Variants in DMD observed in about 807,000 individuals in gnomAD.
The protein encoded by DMD is mutant dystrophin.
DMD carries 63 observed loss-of-function variants against 330.1 expected under a neutral mutation model. The ratio of observed to expected loss-of-function variants is 0.19; its 90% confidence interval spans 0.16 to 0.24. The LOEUF is 0.24. Among genes scored for constraint, DMD ranks in the 10% least tolerant of loss-of-function variants. The pLI, the probability that DMD is intolerant of heterozygous loss-of-function variation, is 1.00. For missense variants in DMD, 3,344 were observed against 2,684.1 expected (o/e 1.25, Z -5.43); for synonymous variants, 1,223 against 959.8 (o/e 1.27, Z -5.07).
chrX:31,448,797 C>T (rs1339002441), intron 59 of DMD, among the ~76,000 whole-genome samples: 1 of 111,758 alleles, frequency 8.9e-6, no homozygotes, highest in African/African-American at 3.3e-5. Context: ...ACTAGTTTCT[C>T]ACAGGCAGAA....
At chrX:32,480,159 A>G (rs1264623009) in intron 21 of DMD, among the ~76,000 whole-genome samples, 1 of 111,987 alleles carries the variant, frequency 8.9e-6, no homozygotes, top group Non-Finnish European at 1.9e-5. Flanking sequence ...ATGTGAAAAA[A>G]TGCTCAACAT....
At chrX:33,301,500 T>C (rs1250452229) in intron 1 of DMD, among the ~76,000 whole-genome samples, 1 of 112,168 alleles carries the variant, frequency 8.9e-6, no homozygotes, top group Non-Finnish European at 1.9e-5. Flanking sequence ...TGCAGTAAGT[T>C]TTTTCCCTTT....
chrX:31,265,437 AT>A (rs762381646), intron 62 of DMD, among the ~76,000 whole-genome samples: 228 of 111,100 alleles, frequency 2.1e-3, no homozygotes, highest in Middle Eastern at 4.7e-3. Context: ...TCCCTGGGAT[AT>A]TTACCATTTT....
At chrX:32,087,443 A>C (rs2096447377) in intron 44 of DMD, among the ~76,000 whole-genome samples, 1 of 111,759 alleles carries the variant, frequency 8.9e-6, no homozygotes, top group Non-Finnish European at 1.9e-5. Flanking sequence ...GGACCCGCAC[A>C]GGTACATCAT....
At chrX:32,515,275 T>C (rs974730657) in intron 18 of DMD, among the ~76,000 whole-genome samples, 6 of 111,015 alleles carry the variant, frequency 5.4e-5, no homozygotes, top group Admixed American at 9.6e-5. Context: ...GAGAGAAAGA[T>C]AGAAGAAAAT....
intron 60 of DMD, among the ~76,000 whole-genome samples, chrX:31,422,021 A>G (rs1222679874): frequency 1.8e-4 from 2 of 10,994 alleles, no homozygotes; most frequent in Non-Finnish European, 3.1e-4. Flanking sequence ...ATATATAAAC[A>G]CACACACATA....
At chrX:31,292,989 G>T (rs990283878) in intron 62 of DMD, among the ~76,000 whole-genome samples, 2 of 110,931 alleles carry the variant, frequency 1.8e-5, no homozygotes, top group African/African-American at 6.6e-5. Context: ...GTGAGGTAGG[G>T]TGGTGATTTC....
At chrX:31,802,697 A>G (rs751457970) in intron 50 of DMD, among the ~76,000 whole-genome samples, 151 of 112,111 alleles carry the variant, frequency 1.3e-3, no homozygotes, top group African/African-American at 4.8e-3. Context: ...TGCATTTCAT[A>G]GCAGTAAAAG....
chrX:31,419,544 A>T (rs2063253481), intron 60 of DMD, among the ~76,000 whole-genome samples: 1 of 111,201 alleles, frequency 9.0e-6, no homozygotes, highest in African/African-American at 3.3e-5. Context: ...AGTACTCATT[A>T]CAATTGGAAT....
chrX:32,939,137 C>T lies in DMD; in HGVS notation c.93+81002G>A, dbSNP rs534399935. 6.5e-5 allele frequency among the ~76,000 whole-genome samples: 7 copies of T among 108,514 alleles called. No homozygotes were observed. In the South Asian group the frequency reaches 2.8e-3, roughly 43 times the overall value. 94.2% of individuals were successfully genotyped at this position (108,514 alleles called of 115,157 possible). On this transcript the variant is annotated intron_variant, in intron 2 of 78. Coordinates refer to ENST00000357033, the MANE Select transcript of DMD (RefSeq NM_004006.3). ...AGTTGGGAAATACCCTGTCACTTCG[C>T]TAATACTTCTTTCTTTTTGTTCTAA...
intron 60 of DMD, among the ~76,000 whole-genome samples, chrX:31,377,896 T>C (rs981458786): frequency 1.8e-5 from 2 of 111,360 alleles, no homozygotes; most frequent in Admixed American, 9.6e-5. Flanking sequence ...TTGCCTTAAC[T>C]GATGACATTA....
chrX:31,464,697 C>T (rs1354135435), intron 59 of DMD, among the ~76,000 whole-genome samples: 3 of 112,424 alleles, frequency 2.7e-5, no homozygotes, highest in Non-Finnish European at 3.7e-5. Flanking sequence ...GGAGAGCTGA[C>T]AAGTGAATTA....
chrX:32,761,539 T>G (rs1253379228), intron 7 of DMD, among the ~76,000 whole-genome samples: 2 of 112,117 alleles, frequency 1.8e-5, no homozygotes, highest in Non-Finnish European at 3.8e-5. Flanking sequence ...CCAGTAGATT[T>G]CCATGTGGAA....
chrX:31,883,341 G>A (rs372560283), intron 47 of DMD, among the ~76,000 whole-genome samples: 38 of 110,984 alleles, frequency 3.4e-4, no homozygotes, highest in African/African-American at 1.1e-3. Context: ...AACTGGGAGG[G>A]AACATGAGAG....
intron 41 of DMD, among the ~76,000 whole-genome samples, chrX:32,317,462 T>C (rs1447472867): frequency 8.9e-6 from 1 of 111,733 alleles, no homozygotes; most frequent in Non-Finnish European, 1.9e-5. Flanking sequence ...TTCATTCATC[T>C]GAAACTTAAG....
chrX:33,092,020 AT>A (rs771370586), intron 1 of DMD, among the ~76,000 whole-genome samples: 1 of 111,755 alleles, frequency 8.9e-6, no homozygotes, highest in Non-Finnish European at 1.9e-5. Flanking sequence ...CTAATAGCTG[AT>A]TTTTTTAAGA....
intron 44 of DMD, among the ~76,000 whole-genome samples, chrX:32,207,294 T>C (rs2097074146): frequency 9.0e-6 from 1 of 111,166 alleles, no homozygotes; most frequent in African/African-American, 3.3e-5. Flanking sequence ...CTTATAAAAG[T>C]GGGAGTTCAG....
intron 44 of DMD, among the ~76,000 whole-genome samples, chrX:32,093,523 C>G (rs960185109): frequency 9.0e-6 from 1 of 111,403 alleles, no homozygotes; most frequent in Non-Finnish European, 1.9e-5. Context: ...ATTATTTTGT[C>G]GAAAAACTAA....
At chrX:33,226,945 T>C (rs974233429) in intron 1 of DMD, among the ~76,000 whole-genome samples, 1 of 110,004 alleles carries the variant, frequency 9.1e-6, no homozygotes, top group African/African-American at 3.3e-5. Context: ...ATCAATGTCA[T>C]GTTTAACACT....
Sources: gnomAD v4.1 joint callset for allele counts (sites outside exome capture counted in the v4.1 genomes callset) on GRCh38, gnomAD v4.1.1 for gene constraint, MANE v1.5 for transcripts, NCBI Gene and HGNC (gene_info 2026-07-23, HGNC 2026-07-21) for gene names.